CDH13: variants seen among roughly 807,000 people sequenced by gnomAD.
The protein encoded by CDH13 is cadherin 13.
CDH13 carries 24 observed loss-of-function variants against 63.8 expected under a neutral mutation model. That is an observed-to-expected ratio of 0.38 (90% CI 0.27 to 0.53). The LOEUF (loss-of-function observed/expected upper bound fraction) is 0.53, where lower values mean the gene tolerates loss of function less well. CDH13 is among the 20% of genes least tolerant of loss of function. CDH13 has a pLI of 0.85. For synonymous variants in CDH13, 503 were observed against 355.3 expected, an observed-to-expected ratio of 1.42 and a Z score of -4.67; for missense variants, 1,049 against 903.1, an observed-to-expected ratio of 1.16 and a Z score of -2.07.
At position 83,043,323 on chromosome 16, in the gene CDH13, GCTT is replaced by G. The variant is rs541340378; in HGVS notation, c.366+11109_366+11111del. On this transcript the variant is annotated intron_variant, in intron 3 of 13. Transcript: ENST00000567109. ...TAGAAAGTATAGATAACTAAAAATG[GCTT>G]CTTTTTGGCTTTTGAAAATTCTAAA... Among the ~76,000 whole-genome samples the G allele has an allele frequency of 2.4e-3, 371 of 152,138 alleles. 2 individuals carry two copies. Among genetic ancestry groups the G allele is most frequent in the African/African-American group, 8.3e-3 (344 of 41,500 alleles).
intron 2 of CDH13, among the ~76,000 whole-genome samples, chr16:82,993,299 CTGT>C (rs978621790): frequency 1.3e-5 from 2 of 152,042 alleles, no homozygotes; most frequent in African/African-American, 4.8e-5. Context: ...GCTGCCTATA[CTGT>C]TGTTCTTGAT....
At chr16:83,753,503 A>G (rs781394401) in intron 11 of CDH13, among the ~76,000 whole-genome samples, 2 of 152,172 alleles carry the variant, frequency 1.3e-5, no homozygotes, top group Non-Finnish European at 2.9e-5. Flanking sequence ...CCAAGATCAC[A>G]CCGCTGCACT....
intron 2 of CDH13, among the ~76,000 whole-genome samples, chr16:83,016,138 C>A (rs972937742): frequency 1.8e-4 from 27 of 152,098 alleles, no homozygotes; most frequent in Admixed American, 7.9e-4. Flanking sequence ...TAATAAAAAT[C>A]ACTTGGCCAC....
chr16:82,849,329 C>T (rs1387296590), intron 1 of CDH13, among the ~76,000 whole-genome samples: 2 of 152,104 alleles, frequency 1.3e-5, no homozygotes, highest in East Asian at 1.9e-4. Context: ...TGGTGAAGCC[C>T]TGTCTCTACT....
At chr16:83,532,465 A>G (rs1029289398) in intron 7 of CDH13, among the ~76,000 whole-genome samples, 3 of 152,188 alleles carry the variant, frequency 2.0e-5, no homozygotes, top group Admixed American at 6.5e-5. Context: ...GGATAAATGA[A>G]TATTTGTCTT....
intron 7 of CDH13, among the ~76,000 whole-genome samples, chr16:83,559,112 A>T (rs1475438715): frequency 6.6e-6 from 1 of 152,194 alleles, no homozygotes; most frequent in Non-Finnish European, 1.5e-5. Context: ...CACTGCCAGG[A>T]ACTAGGAGGG....
chr16:83,268,034 C>G (rs1202462645), intron 5 of CDH13, among the ~76,000 whole-genome samples: 1 of 152,122 alleles, frequency 6.6e-6, no homozygotes, highest in African/African-American at 2.4e-5. Flanking sequence ...GGCCACATGA[C>G]TGTATGGGAA....
At chr16:83,656,403 C>G (rs1348827382) in intron 8 of CDH13, among the ~76,000 whole-genome samples, 1 of 151,992 alleles carries the variant, frequency 6.6e-6, no homozygotes, top group Non-Finnish European at 1.5e-5. Flanking sequence ...TGTTAGACAC[C>G]CAGAAGCAGA....
intron 1 of CDH13, among the ~76,000 whole-genome samples, chr16:82,717,922 G>A (rs1302966857): frequency 6.6e-6 from 1 of 152,148 alleles, no homozygotes; most frequent in Non-Finnish European, 1.5e-5. Context: ...AAACCAAGAT[G>A]AGTTTCCTAA....
chr16:83,465,703 A>G (rs551141758), intron 6 of CDH13, among the ~76,000 whole-genome samples: 77 of 152,324 alleles, frequency 5.1e-4, no homozygotes, highest in African/African-American at 1.7e-3. Flanking sequence ...TGGTCTGTGC[A>G]TGTCCTTGTG....
intron 6 of CDH13, among the ~76,000 whole-genome samples, chr16:83,360,670 C>G (rs1333934731): frequency 2.6e-5 from 4 of 152,110 alleles, no homozygotes; most frequent in Non-Finnish European, 4.4e-5. Context: ...CTAAGAGTTC[C>G]TTATGTTTAG....
At position 83,388,775 on chromosome 16, in the gene CDH13, C is replaced by T. The variant is rs74034052; in HGVS notation, c.781+43769C>T. Among the ~76,000 whole-genome samples the T allele has an allele frequency of 7.9e-3, 1,201 of 152,260 alleles. 15 individuals carry two copies. Among genetic ancestry groups the T allele is most frequent in the African/African-American group, 0.028 (1,161 of 41,554 alleles). On this transcript the variant is annotated intron_variant, in intron 6 of 13. Transcript: ENST00000567109. Reference sequence around the variant, plus strand: ...CTCCACCACCCTCTCCATACTTGCTCCCCAGGATGGCCATGGATACAGCTA... The same window carrying T: ...CTCCACCACCCTCTCCATACTTGCTTCCCAGGATGGCCATGGATACAGCTA...
chr16:82,888,506 G>A (rs943796706), intron 2 of CDH13, among the ~76,000 whole-genome samples: 1 of 152,154 alleles, frequency 6.6e-6, no homozygotes, highest in African/African-American at 2.4e-5. Context: ...AGCCACTTCT[G>A]CTCCCCCACA....
chr16:83,183,680 T>G (rs1215763761), intron 4 of CDH13, among the ~76,000 whole-genome samples: 22 of 152,174 alleles, frequency 1.4e-4, no homozygotes, highest in Non-Finnish European at 2.9e-4. Flanking sequence ...CCCTCCCTGA[T>G]GGGACGGCAC....
At chr16:83,285,541 C>T (rs1168404648) in intron 5 of CDH13, among the ~76,000 whole-genome samples, 2 of 151,816 alleles carry the variant, frequency 1.3e-5, no homozygotes, top group African/African-American at 4.8e-5. Context: ...ACACCATAAC[C>T]ATAAAAAAAG....
chr16:83,106,561 A>G (rs1373208911), intron 3 of CDH13, among the ~76,000 whole-genome samples: 1 of 152,170 alleles, frequency 6.6e-6, no homozygotes, highest in Non-Finnish European at 1.5e-5. Flanking sequence ...AAACAAAACA[A>G]TACAAAACAA....
intron 10 of CDH13, among the ~76,000 whole-genome samples, chr16:83,746,014 G>A (rs969151428): frequency 2.0e-5 from 3 of 152,218 alleles, no homozygotes; most frequent in African/African-American, 7.2e-5. Flanking sequence ...CCCACGTCCT[G>A]ACTCTACGAT....
intron 7 of CDH13, among the ~76,000 whole-genome samples, chr16:83,554,475 G>C (rs1414031727): frequency 5.9e-5 from 9 of 152,156 alleles, no homozygotes; most frequent in Non-Finnish European, 8.8e-5. Flanking sequence ...AAGGGAACAC[G>C]AACTTCTGCA....
At chr16:82,695,472 G>A (rs1485899448) in intron 1 of CDH13, among the ~76,000 whole-genome samples, 5 of 152,114 alleles carry the variant, frequency 3.3e-5, no homozygotes, top group African/African-American at 9.7e-5. Context: ...GGGTTAGCAC[G>A]TGGCTCCAAT....
Sources: gnomAD v4.1 joint callset for allele counts (sites outside exome capture counted in the v4.1 genomes callset) on GRCh38, gnomAD v4.1.1 for gene constraint, MANE v1.5 for transcripts, NCBI Gene and HGNC (gene_info 2026-07-23, HGNC 2026-07-21) for gene names.